Variants in MTMR1 observed in about 807,000 individuals in gnomAD.
MTMR1 encodes the protein phosphatidylinositol-3-phosphate phosphatase MTMR1.
Under a neutral mutation model 51.6 loss-of-function variants are expected in MTMR1, and 17 were observed. The observed-to-expected ratio is 0.33, with a 90% confidence interval of 0.23 to 0.49. MTMR1 has a LOEUF of 0.49. Ranked by LOEUF, MTMR1 falls within the 20% of genes least tolerant of loss-of-function variation. The pLI is 0.99. For synonymous variants in MTMR1, 201 were observed against 205.6 expected, an observed-to-expected ratio of 0.98 and a Z score of 0.19; for missense variants, 386 against 526.9, an observed-to-expected ratio of 0.73 and a Z score of 2.62.
chrX:150,754,204 C>T (rs1228524812), intron 14 of MTMR1, among the ~76,000 whole-genome samples: 1 of 113,279 alleles, frequency 8.8e-6, no homozygotes, highest in Admixed American at 9.3e-5. Context: ...TACGCCAGCA[C>T]TGCTGGCATT....
Position 150,718,658 on chromosome X carries a change from G to A in MTMR1, c.310G>A (p.Glu104Lys). The change falls in exon 4 of 16, where the codon GAA becomes AAA. Residue 104 changes from glutamate to lysine, a missense_variant. Physicochemically the swap from Glu to Lys is moderately conservative, Grantham distance 56 (BLOSUM62 1). Transcript: ENST00000445323. ...GGATGGAAATAAGCTGGCACAGATG[G>A]AAGAGGCTCCACTTTTCCCAGGAGA... Reference protein sequence around the residue: ...LRDGNKLAQMEEAPLFPGESI... With the variant: ...LRDGNKLAQMKEAPLFPGESI... 1 of 1,152,700 alleles carries A rather than the reference G, an allele frequency of 8.7e-7. No homozygotes were observed. The highest frequency in any genetic ancestry group is 1.8e-5 in the South Asian group (1 of 55,196). The allele number at this position is 1,152,700 out of a possible 1,213,427, so 95.0% of individuals were successfully genotyped here.
In MTMR1 at chrX:150,693,553, C is replaced by CGGA; in HGVS notation, c.25_26insAGG (p.Ala8_Ala9insGlu). ...GCCATGGACAGGCCGGCGGCGGCGG[C>CGGA]GGCGGCGGGCTGCGAGGGCGGCGGG... On this transcript the variant is annotated inframe_insertion, in exon 1 of 16. Transcript: ENST00000445323. 2 of 759,297 alleles carry CGGA rather than the reference C, an allele frequency of 2.6e-6. No individual in the cohort carries two copies. Among genetic ancestry groups the CGGA allele is most frequent in the Non-Finnish European group, 1.6e-6 (1 of 643,530 alleles). The allele number at this position is 759,297 out of a possible 1,213,427, so 62.6% of individuals were successfully genotyped here. A position where few individuals can be genotyped will look rare whatever the true frequency, so the allele number is the denominator to read the frequency against.
At chrX:150,733,790 G>A (rs1305511893) in intron 10 of MTMR1, among the ~76,000 whole-genome samples, 2 of 111,326 alleles carry the variant, frequency 1.8e-5, no homozygotes, top group African/African-American at 6.5e-5. Context: ...GCACAGTGGT[G>A]AGTGCATCCT....
intron 3 of MTMR1, among the ~76,000 whole-genome samples, chrX:150,714,194 T>C (rs1771109775): frequency 8.9e-6 from 1 of 111,880 alleles, no homozygotes; most frequent in Non-Finnish European, 1.9e-5. Flanking sequence ...AGACAGTACA[T>C]TCTTTGAAAT....
intron 4 of MTMR1, chrX:150,726,978 T>G: frequency 4.1e-6 from 1 of 243,918 alleles, no homozygotes; most frequent in Admixed American, 6.6e-5. Context: ...TAACTTCTTA[T>G]GAGGCCCTTT....
chrX:150,762,660 C>T lies in MTMR1; in HGVS notation c.1953C>T (p.Ala651=), dbSNP rs782424909. The change falls in exon 16 of 16, where the codon GCC becomes GCT. Residue 651 remains alanine, a synonymous_variant. Coordinates refer to ENST00000445323, the MANE Select transcript of MTMR1 (RefSeq NM_001306144.3). The stretch of plus-strand genomic sequence containing the variant: ...TACAGCGGGAGGTGGCCACGCGCGC[C>T]GTCTCATCCTCATCTGAGCGGGGCT... ...EGLQREVATR[A]VSSSSERGSS... 57 of 1,206,388 alleles carry T rather than the reference C, an allele frequency of 4.7e-5. No homozygotes were observed. The highest frequency in any genetic ancestry group is 5.7e-5 in the Non-Finnish European group (51 of 893,249).
At chrX:150,737,196 T>G in intron 11 of MTMR1, 46 bp from the exon 12 acceptor site, 2 of 1,118,289 alleles carry the variant, frequency 1.8e-6, no homozygotes, top group Non-Finnish European at 2.5e-6. Flanking sequence ...TTACATTTAA[T>G]TGAAATTCAA....
chrX:150,762,154 G>A (rs1826268178), intron 15 of MTMR1, among the ~76,000 whole-genome samples: 1 of 112,904 alleles, frequency 8.9e-6, no homozygotes. Flanking sequence ...CAAAAATACA[G>A]AGATAATGGA....
chrX:150,729,771 C>T (rs2042054582), intron 6 of MTMR1, among the ~76,000 whole-genome samples: 1 of 111,742 alleles, frequency 8.9e-6, no homozygotes, highest in African/African-American at 3.3e-5. Flanking sequence ...GTAATCCCAG[C>T]ACTTTGGAAG....
chrX:150,718,616 T>TGCAGGG lies in MTMR1; in HGVS notation c.277-9_277-8insGCAGGG. The TGCAGGG allele has an allele frequency of 1.5e-6, 1 of 656,632 alleles. No homozygotes were observed. 54.1% of individuals were successfully genotyped at this position (656,632 alleles called of 1,213,427 possible). On this transcript the variant is annotated splice_polypyrimidine_tract_variant and intron_variant, in intron 3 of 15. Transcript: ENST00000445323. ...TTTTTTTTTTTTTTTTTTTTTTTTT[T>TGCAGGG]TTTGCCAGGCTCTAAGGGATGGAAA... is the stretch of plus-strand genomic sequence containing the variant.
rs144333680 is a variant in MTMR1, at chrX:150,741,707, C to T, written c.1474-2654C>T. On this transcript the variant is annotated intron_variant, in intron 12 of 15. Coordinates refer to ENST00000445323, the MANE Select transcript of MTMR1 (RefSeq NM_001306144.3). ...GACACCATGACAATGTCTGACATTCCGAGGGCCAGGCATGATGCCTTGCAC... is the reference window on the plus strand; with the variant it reads ...GACACCATGACAATGTCTGACATTCTGAGGGCCAGGCATGATGCCTTGCAC... 2.4e-4 allele frequency among the ~76,000 whole-genome samples: 27 copies of T among 112,720 alleles called. No individual in the cohort carries two copies. The East Asian group carries it at 7.0e-3, about 29-fold the overall frequency.
At chrX:150,762,229 C>T (rs1443405180) in intron 15 of MTMR1, among the ~76,000 whole-genome samples, 6 of 112,820 alleles carry the variant, frequency 5.3e-5, no homozygotes, top group East Asian at 2.8e-4. Flanking sequence ...CTGCTCGTGC[C>T]GAGTCTGCAC....
intron 12 of MTMR1, among the ~76,000 whole-genome samples, chrX:150,739,952 T>G (rs1323357631): frequency 2.7e-5 from 3 of 111,840 alleles, no homozygotes; most frequent in African/African-American, 9.8e-5. Context: ...TGGAGTTCTG[T>G]GATTGAGCCA....
In MTMR1 at chrX:150,764,611, C is replaced by T. The variant is rs2043239395; in HGVS notation, c.*1882C>T. 1.0e-5 allele frequency: 1 copy of T among 97,442 alleles called. No individual in the cohort carries two copies. The allele number at this position is 97,442 out of a possible 1,213,427, so 8.0% of individuals were successfully genotyped here. A position where few individuals can be genotyped will look rare whatever the true frequency, so the allele number is the denominator to read the frequency against. On this transcript the variant is annotated 3_prime_UTR_variant, in exon 16 of 16. Coordinates refer to ENST00000445323, the MANE Select transcript of MTMR1 (RefSeq NM_001306144.3). ...AAGCCAAGTTGGGGGGAGCTGGTGC[C>T]TGGAGTGGGCCCTGTGCACCTCACC...
chrX:150,741,735 G>A (rs782163700), intron 12 of MTMR1, among the ~76,000 whole-genome samples: 4 of 112,623 alleles, frequency 3.6e-5, no homozygotes, highest in South Asian at 3.6e-4. Context: ...CCTTGCACAC[G>A]CCATAGGAGT....
chrX:150,707,523 T>C (rs1319813421), intron 2 of MTMR1, among the ~76,000 whole-genome samples: 1 of 112,388 alleles, frequency 8.9e-6, no homozygotes, highest in Non-Finnish European at 1.9e-5. Flanking sequence ...TAAATTAAAG[T>C]CACAGTGAGA....
chrX:150,742,361 GTAT>G (rs1318990870), intron 12 of MTMR1, among the ~76,000 whole-genome samples: 18 of 111,718 alleles, frequency 1.6e-4, no homozygotes, highest in Admixed American at 2.8e-4. Context: ...TAAAAATATG[GTAT>G]TATAGCCTTA....
chrX:150,698,304 AT>A (rs1557415795), intron 1 of MTMR1, among the ~76,000 whole-genome samples: 1 of 110,750 alleles, frequency 9.0e-6, no homozygotes, highest in African/African-American at 3.3e-5. Flanking sequence ...AAAAAAAAAA[AT>A]AAATAAAAAA....
rs781864083 is a variant in MTMR1, at chrX:150,696,153, G to T, written c.146+2477G>T. Among the ~76,000 whole-genome samples, 3 of 111,400 alleles carry T rather than the reference G, an allele frequency of 2.7e-5. No individual in the cohort carries two copies. The South Asian group carries it at 1.2e-3, about 43-fold the overall frequency. On this transcript the variant is annotated intron_variant, in intron 1 of 15. Transcript: ENST00000445323. ...CAGCATTGAGATCAGGAGAGTCCAG[G>T]TTGGAGAAACAGAGCTGGGAGCCTC...
Sources: gnomAD v4.1 joint callset for allele counts (sites outside exome capture counted in the v4.1 genomes callset) on GRCh38, gnomAD v4.1.1 for gene constraint, MANE v1.5 for transcripts, NCBI Gene and HGNC (gene_info 2026-07-23, HGNC 2026-07-21) for gene names.